The following CCDC85A variants were observed in gnomAD, a reference collection of about 807,000 sequenced individuals.
The protein encoded by CCDC85A is coiled-coil domain containing 85A, also known as coiled-coil domain-containing protein 85A.
In CCDC85A, 38 loss-of-function variants were observed where a neutral mutation model predicts 50.2. That is an observed-to-expected ratio of 0.76 (90% CI 0.58 to 0.99). CCDC85A has a LOEUF of 0.99. CCDC85A is among the 50% of genes least tolerant of loss of function. CCDC85A has a pLI of 0.00. For synonymous variants in CCDC85A, 366 were observed against 301.4 expected (o/e 1.21, Z -2.22); for missense variants, 820 against 742.0 (o/e 1.11, Z -1.22).
intron 2 of CCDC85A, among the ~76,000 whole-genome samples, chr2:56,338,755 G>T (rs1464526472): frequency 6.6e-6 from 1 of 151,862 alleles, no homozygotes; most frequent in African/African-American, 2.4e-5. Context: ...TTTTTCTCAT[G>T]TCACAGTTGG....
At chr2:56,292,284 C>G (rs534352472) in intron 2 of CCDC85A, among the ~76,000 whole-genome samples, 1 of 151,996 alleles carries the variant, frequency 6.6e-6, no homozygotes, top group Non-Finnish European at 1.5e-5. Flanking sequence ...GGGGTTTCAC[C>G]GTGTTAGCCA....
chr2:56,268,991 C>G (rs1670580679), intron 2 of CCDC85A, among the ~76,000 whole-genome samples: 1 of 152,138 alleles, frequency 6.6e-6, no homozygotes, highest in South Asian at 2.1e-4. Context: ...CTGTAAGTAT[C>G]TTTCTGTAAG....
chr2:56,308,649 C>T (rs1400738273), intron 2 of CCDC85A, among the ~76,000 whole-genome samples: 1 of 152,180 alleles, frequency 6.6e-6, no homozygotes, highest in East Asian at 1.9e-4. Flanking sequence ...TTGATACTGA[C>T]ATTCCCTGAA....
At chr2:56,324,942 C>A (rs1018609545) in intron 2 of CCDC85A, among the ~76,000 whole-genome samples, 3 of 151,920 alleles carry the variant, frequency 2.0e-5, no homozygotes, top group Non-Finnish European at 2.9e-5. Context: ...TGTTATTTTT[C>A]TTTTTCATTT....
intron 2 of CCDC85A, among the ~76,000 whole-genome samples, chr2:56,303,280 T>G (rs1367813353): frequency 6.6e-6 from 1 of 152,134 alleles, no homozygotes; most frequent in Non-Finnish European, 1.5e-5. Context: ...GTTGTAATAT[T>G]AAATGAAAGA....
chr2:56,382,364 C>T (rs1191716174), intron 5 of CCDC85A, among the ~76,000 whole-genome samples: 1 of 149,406 alleles, frequency 6.7e-6, no homozygotes, highest in African/African-American at 2.5e-5. Context: ...TAGTATTGCT[C>T]CTAGAGATTA....
At chr2:56,278,400 G>T (rs1156789507) in intron 2 of CCDC85A, among the ~76,000 whole-genome samples, 1 of 151,880 alleles carries the variant, frequency 6.6e-6, no homozygotes, top group Admixed American at 6.6e-5. Flanking sequence ...GATATCTCAT[G>T]CATGTCCCAG....
intron 2 of CCDC85A, among the ~76,000 whole-genome samples, chr2:56,340,868 C>A (rs1395630727): frequency 9.2e-6 from 1 of 108,682 alleles, no homozygotes; most frequent in Non-Finnish European, 1.7e-5. Flanking sequence ...AACAGTGAAA[C>A]TCCATCTCAA....
chr2:56,203,452 G>A (rs955508377), intron 2 of CCDC85A, among the ~76,000 whole-genome samples: 1 of 151,858 alleles, frequency 6.6e-6, no homozygotes, highest in Non-Finnish European at 1.5e-5. Flanking sequence ...TATGCCATGT[G>A]GTTTTCATCT....
At chr2:56,262,509 T>C (rs143494722) in intron 2 of CCDC85A, among the ~76,000 whole-genome samples, 162 of 152,316 alleles carry the variant, frequency 1.1e-3, no homozygotes, top group Middle Eastern at 6.8e-3. Flanking sequence ...TCTGGATAAG[T>C]TGGTGTGACT....
intron 2 of CCDC85A, among the ~76,000 whole-genome samples, chr2:56,336,613 A>G (rs1370220079): frequency 6.6e-6 from 1 of 152,200 alleles, no homozygotes; most frequent in Non-Finnish European, 1.5e-5. Context: ...TACCAATAAT[A>G]AACCTTTTAT....
intron 2 of CCDC85A, among the ~76,000 whole-genome samples, chr2:56,298,432 T>C (rs1277017821): frequency 6.6e-6 from 1 of 152,178 alleles, no homozygotes; most frequent in Non-Finnish European, 1.5e-5. Context: ...AAAAGTGATC[T>C]TGATCTGCCA....
At chr2:56,236,968 C>T (rs757401217) in intron 2 of CCDC85A, among the ~76,000 whole-genome samples, 12 of 152,240 alleles carry the variant, frequency 7.9e-5, no homozygotes, top group Admixed American at 6.5e-5. Flanking sequence ...TTTTCTGTCT[C>T]GTCCAGCTTT....
intron 3 of CCDC85A, among the ~76,000 whole-genome samples, chr2:56,351,881 C>T (rs1226977918): frequency 6.6e-6 from 1 of 152,076 alleles, no homozygotes; most frequent in Non-Finnish European, 1.5e-5. Context: ...TCAATTTTGG[C>T]TTTTGTTGCC....
intron 2 of CCDC85A, among the ~76,000 whole-genome samples, chr2:56,228,734 T>C (rs1456086264): frequency 6.6e-6 from 1 of 151,952 alleles, no homozygotes; most frequent in African/African-American, 2.4e-5. Flanking sequence ...ACGGTTTCAC[T>C]GTGTTAGCCA....
intron 2 of CCDC85A, among the ~76,000 whole-genome samples, chr2:56,241,853 A>C (rs1333558499): frequency 6.6e-6 from 1 of 152,218 alleles, no homozygotes; most frequent in Non-Finnish European, 1.5e-5. Flanking sequence ...TAACAGTGGA[A>C]TTGCTGGATC....
At chr2:56,217,627 C>T (rs573368218) in intron 2 of CCDC85A, among the ~76,000 whole-genome samples, 7 of 151,838 alleles carry the variant, frequency 4.6e-5, no homozygotes, top group Admixed American at 3.3e-4. Context: ...AAAGAGCCAG[C>T]ATTGGTAAGG....
intron 3 of CCDC85A, among the ~76,000 whole-genome samples, chr2:56,346,724 A>G (rs1045989341): frequency 1.3e-5 from 2 of 152,218 alleles, no homozygotes; most frequent in Admixed American, 6.5e-5. Context: ...GTTAGTACAA[A>G]TGGTAGTTAA....
At chr2:56,321,999 A>G (rs9706378) in intron 2 of CCDC85A, among the ~76,000 whole-genome samples, 3 of 152,272 alleles carry the variant, frequency 2.0e-5, no homozygotes, top group Admixed American at 1.3e-4. Context: ...CACATCTACA[A>G]CCATCTGGTC....
Sources: gnomAD v4.1 joint callset for allele counts (sites outside exome capture counted in the v4.1 genomes callset) on GRCh38, gnomAD v4.1.1 for gene constraint, MANE v1.5 for transcripts, NCBI Gene and HGNC (gene_info 2026-07-23, HGNC 2026-07-21) for gene names.